SCN9A: variants seen among roughly 807,000 people sequenced by gnomAD.
SCN9A encodes the protein sodium channel protein type 9 subunit alpha.
In SCN9A, 131 loss-of-function variants were observed where a neutral mutation model predicts 187.0. The observed-to-expected ratio is 0.70, with a 90% CI of 0.61 to 0.81. The LOEUF (loss-of-function observed/expected upper bound fraction) is 0.81. Among genes scored for constraint, SCN9A ranks in the 30% least tolerant of loss-of-function variants. The pLI is 0.00. For synonymous variants in SCN9A, 809 were observed against 808.6 expected (o/e 1.00, Z -0.01); for missense variants, 2,252 against 2,396.6 (o/e 0.94, Z 1.26).
At chr2:166,203,275 G>A (rs985283374) in intron 26 of SCN9A, among the ~76,000 whole-genome samples, 16 of 151,620 alleles carry the variant, frequency 1.1e-4, no homozygotes, top group Non-Finnish European at 1.9e-4. Context: ...TCTCTTAAAA[G>A]TTTATAATTC....
rs1047847325 is a variant in SCN9A, at chr2:166,301,624, A to G, written c.901+1466T>C. On this transcript the variant is annotated intron_variant, in intron 7 of 26. Coordinates refer to ENST00000642356, the MANE Select transcript of SCN9A (RefSeq NM_001365536.1). ...AACCATTCACAGTATAAACTCAGAA[A>G]TAGGAGCAAGACTCAGAATAAAAGG... 10 of 151,032 alleles carry G rather than the reference A, an allele frequency of 6.6e-5. 1 individual carries two copies. The highest frequency in any genetic ancestry group is 9.9e-5 in the African/African-American group (4 of 40,326). The allele number at this position is 151,032 out of a possible 1,614,324, so 9.4% of individuals were successfully genotyped here. A position where few individuals can be genotyped will look rare whatever the true frequency, so the allele number is the denominator to read the frequency against.
At chr2:166,260,970 T>A (rs1415266639) in intron 17 of SCN9A, among the ~76,000 whole-genome samples, 1 of 151,802 alleles carries the variant, frequency 6.6e-6, no homozygotes, top group Non-Finnish European at 1.5e-5. Flanking sequence ...TAACTTAAAA[T>A]ATTCTTATTT....
intron 1 of SCN9A, among the ~76,000 whole-genome samples, chr2:166,323,493 T>C (rs1699292252): frequency 6.6e-6 from 1 of 152,118 alleles, no homozygotes; most frequent in Non-Finnish European, 1.5e-5. Context: ...GTGTTCACAG[T>C]AAAAATTGTA....
In SCN9A at chr2:166,267,323, T is replaced by C. The variant is rs1396723890; in HGVS notation, c.3351+5076A>G. Among the ~76,000 whole-genome samples the C allele has an allele frequency of 2.0e-5, 3 of 152,066 alleles. No homozygotes were observed. The East Asian group carries it at 5.8e-4, about 29-fold the overall frequency. On this transcript the variant is annotated intron_variant, in intron 17 of 26. Coordinates refer to ENST00000642356, the MANE Select transcript of SCN9A (RefSeq NM_001365536.1). Reference sequence around the variant, plus strand: ...TCTATTGAGATGATTATATGGTTTTTATGTTTCATTCTGTTGATATAATAT... The same window carrying C: ...TCTATTGAGATGATTATATGGTTTTCATGTTTCATTCTGTTGATATAATAT...
chr2:166,279,171 A>G (rs941954072), intron 14 of SCN9A, among the ~76,000 whole-genome samples: 5 of 152,180 alleles, frequency 3.3e-5, no homozygotes, highest in African/African-American at 7.2e-5. Flanking sequence ...ATTAGAAACT[A>G]GATATTCCTG....
rs34448541 is a variant in SCN9A at position 166,210,519 on chromosome 2, C to CAAA, written c.4399-6058_4399-6056dup. Among the ~76,000 whole-genome samples, 317 of 96,346 alleles carry CAAA rather than the reference C, an allele frequency of 3.3e-3. 5 individuals are homozygous for CAAA. Among genetic ancestry groups the CAAA allele is most frequent in the African/African-American group, 0.012 (279 of 23,272 alleles). The allele number at this position is 96,346 out of a possible 152,430, so 63.2% of individuals were successfully genotyped here. A position where few individuals can be genotyped will look rare whatever the true frequency, so the allele number is the denominator to read the frequency against. On this transcript the variant is annotated intron_variant, in intron 24 of 26. Coordinates refer to ENST00000642356, the MANE Select transcript of SCN9A (RefSeq NM_001365536.1). ...TAAAAAACCCTCAAAAGATGGACAC[C>CAAA]AAAAAAAAAAAAAAAGGTAGATCAT...
chr2:166,199,910 T>C, intron 26 of SCN9A, 46 bp from the exon 27 acceptor site: 1 of 1,470,082 alleles, frequency 6.8e-7, no homozygotes, highest in South Asian at 1.1e-5. Flanking sequence ...TAAAGATGTA[T>C]GCTACCTGAA....
Position 166,307,616 on chromosome 2 carries a change from C to A in SCN9A, c.259-542G>T, listed in dbSNP as rs143842609. The stretch of plus-strand genomic sequence containing the variant: ...TCCTTCCAATCACTGAGTTCAATTT[C>A]TTTATTTTAGTTATAATACTAATAT... On this transcript the variant is annotated intron_variant, in intron 2 of 26. Transcript: ENST00000642356. Among the ~76,000 whole-genome samples, 343 of 152,262 alleles carry A rather than the reference C, an allele frequency of 2.3e-3. 3 individuals are homozygous for A. The highest frequency in any genetic ancestry group is 7.7e-3 in the African/African-American group (322 of 41,558).
chr2:166,272,478 A>G lies in SCN9A; in HGVS notation c.3272T>C (p.Ile1091Thr), dbSNP rs774490843. 5 of 1,612,814 alleles carry G rather than the reference A, an allele frequency of 3.1e-6. No homozygotes were observed. Among genetic ancestry groups the G allele is most frequent in the Non-Finnish European group, 4.2e-6 (5 of 1,179,438 alleles). Residue 1091 changes from isoleucine (I) to threonine (T), a missense_variant, in exon 17 of 27, where the codon ATT (isoleucine) becomes ACT (threonine). Around this residue, in one of 7 missense-constraint regions of SCN9A, gnomAD observed 313 missense variants for 295.3 expected, o/e 1.06. Coordinates refer to ENST00000642356, the MANE Select transcript of SCN9A (RefSeq NM_001365536.1). ...TTCCAAATCGGATTCCCCAGGTGCA[A>G]TTGGCACTGTCACTGTGAGGCTGGG... ...HNPSLTVTVP[I>T]APGESDLENM...
chr2:166,231,941 A>G (rs958674051), intron 21 of SCN9A, among the ~76,000 whole-genome samples: 14 of 152,198 alleles, frequency 9.2e-5, no homozygotes, highest in Non-Finnish European at 1.5e-4. Context: ...TAAGTAAAAT[A>G]CAATATAATG....
chr2:166,322,591 C>T (rs1261305308), intron 1 of SCN9A, among the ~76,000 whole-genome samples: 1 of 152,096 alleles, frequency 6.6e-6, no homozygotes. Flanking sequence ...TCATGGAGCT[C>T]ATAAGATTAT....
chr2:166,337,045 A>C (rs1204923397), intron 1 of SCN9A, among the ~76,000 whole-genome samples: 1 of 152,138 alleles, frequency 6.6e-6, no homozygotes, highest in Non-Finnish European at 1.5e-5. Flanking sequence ...CACATAGTCT[A>C]GAGGGTAAAT....
chr2:166,281,158 G>A (rs1056649593), intron 13 of SCN9A, among the ~76,000 whole-genome samples: 14 of 152,148 alleles, frequency 9.2e-5, no homozygotes, highest in African/African-American at 3.1e-4. Context: ...CAATGGGAAT[G>A]TGGGGGGTGA....
At chr2:166,235,676 C>CAAAA (rs1695285237) in intron 20 of SCN9A, among the ~76,000 whole-genome samples, 1 of 145,478 alleles carries the variant, frequency 6.9e-6, no homozygotes, top group African/African-American at 2.7e-5. Context: ...CTATACTTTT[C>CAAAA]AGAAAAAAAA....
chr2:166,335,651 G>T (rs1285748921), intron 1 of SCN9A, among the ~76,000 whole-genome samples: 1 of 152,112 alleles, frequency 6.6e-6, no homozygotes, highest in African/African-American at 2.4e-5. Flanking sequence ...CAAAAGCTTG[G>T]ACTGGCCTTC....
chr2:166,267,268 T>C (rs1455187795), intron 17 of SCN9A, among the ~76,000 whole-genome samples: 2 of 152,042 alleles, frequency 1.3e-5, no homozygotes, highest in Admixed American at 6.6e-5. Context: ...AAATAAAGGA[T>C]ACTGGATTTT....
At chr2:166,276,268 G>T (rs75063361) in intron 16 of SCN9A, 1 of 152,224 alleles carries the variant, frequency 6.6e-6, no homozygotes, top group African/African-American at 2.4e-5. Context: ...TTTTCGTAAA[G>T]GGCCAAATGA....
chr2:166,370,225 T>TGGGCTG (rs199791955), intron 1 of SCN9A, among the ~76,000 whole-genome samples: 3 of 145,064 alleles, frequency 2.1e-5, no homozygotes, highest in Non-Finnish European at 4.5e-5. Flanking sequence ...ATAATAATAA[T>TGGGCTG]AATAATAATA....
In SCN9A at chr2:166,278,225, A is replaced by G. The variant is rs182018126; in HGVS notation, c.2432T>C (p.Phe811Ser). ...ACTTAAAGTCACAATAAGGCTGTCAAAAATATTCCAGCCTACTTGGAAATA... is the reference window on the plus strand; with the variant it reads ...ACTTAAAGTCACAATAAGGCTGTCAGAAATATTCCAGCCTACTTGGAAATA... Reference protein sequence around the residue: ...YEYFQVGWNIFDSLIVTLSLV... With the variant: ...YEYFQVGWNISDSLIVTLSLV... Residue 811 changes from phenylalanine to serine, a missense_variant, in exon 15 of 27, where the codon TTT becomes TCT. Physicochemically the swap from Phe to Ser is radical, Grantham distance 155. Transcript: ENST00000642356. 6.2e-7 allele frequency: 1 copy of G among 1,612,876 alleles called. No homozygotes were observed. Among genetic ancestry groups the G allele is most frequent in the East Asian group, 2.2e-5 (1 of 44,792 alleles).
Sources: gnomAD v4.1 joint callset for allele counts (sites outside exome capture counted in the v4.1 genomes callset) on GRCh38, gnomAD v4.1.1 for gene constraint, gnomAD v4.1.1 regional missense constraint, MANE v1.5 for transcripts, NCBI Gene and HGNC (gene_info 2026-07-23, HGNC 2026-07-21) for gene names.